Variants in JMJD1C observed in about 807,000 individuals in gnomAD.
The protein encoded by JMJD1C is jumonji domain containing 1C, also known as jumonji domain-containing protein 1C.
A neutral mutation model predicts 245.3 loss-of-function variants in JMJD1C; 31 were observed. The observed-to-expected ratio is 0.13, with a 90% CI of 0.09 to 0.17. JMJD1C has a LOEUF of 0.17. Ranked by LOEUF, JMJD1C falls within the 10% of genes least tolerant of loss-of-function variation. JMJD1C has a pLI of 1.00. For synonymous variants in JMJD1C, 1,057 were observed against 1,017.4 expected (o/e 1.04, Z -0.74); for missense variants, 2,691 against 3,000.2 (o/e 0.90, Z 2.41).
At chr10:63,362,218 G>A (rs1232348466) in intron 2 of JMJD1C, among the ~76,000 whole-genome samples, 1 of 144,826 alleles carries the variant, frequency 6.9e-6, no homozygotes, top group Non-Finnish European at 1.5e-5. Context: ...ACGCGCAACA[G>A]AGTGAGACTG....
At chr10:63,277,727 A>ATTTTTTTTTTT (rs1389505532) in intron 2 of JMJD1C, among the ~76,000 whole-genome samples, 27 of 83,140 alleles carry the variant, frequency 3.2e-4, no homozygotes, top group East Asian at 7.2e-4. Context: ...AGTAATTTGC[A>ATTTTTTTTTTT]TTTCTTTTTT....
chr10:63,195,425 A>G (rs1845352146), intron 13 of JMJD1C, among the ~76,000 whole-genome samples: 1 of 152,074 alleles, frequency 6.6e-6, no homozygotes, highest in South Asian at 2.1e-4. Context: ...AACCCAGTCT[A>G]AAACTAGTTA....
At chr10:63,278,002 G>A (rs1356469199) in intron 2 of JMJD1C, among the ~76,000 whole-genome samples, 4 of 151,484 alleles carry the variant, frequency 2.6e-5, no homozygotes, top group Non-Finnish European at 2.9e-5. Context: ...CAAAGTGCTG[G>A]GATTACAGGC....
chr10:63,465,086 GA>G, intron 1 of JMJD1C: 1 of 212,794 alleles, frequency 4.7e-6, no homozygotes, highest in Non-Finnish European at 9.3e-6. Flanking sequence ...ACTTTTCCAA[GA>G]AAAGAGATAC....
upstream of JMJD1C, among the ~76,000 whole-genome samples, chr10:63,468,299 G>C (rs1160510027): frequency 6.6e-6 from 1 of 152,088 alleles, no homozygotes; most frequent in East Asian, 1.9e-4. Context: ...TTTGCTGTTG[G>C]AAAAATTTAA....
chr10:63,504,098 T>C (rs1162015080), intron 1 of JMJD1C, among the ~76,000 whole-genome samples: 2 of 152,188 alleles, frequency 1.3e-5, no homozygotes, highest in Non-Finnish European at 2.9e-5. Flanking sequence ...ATGGGTGCCC[T>C]ATGGACAAAA....
At chr10:63,358,441 T>C (rs972640075) in intron 2 of JMJD1C, among the ~76,000 whole-genome samples, 10 of 151,592 alleles carry the variant, frequency 6.6e-5, no homozygotes, top group Admixed American at 6.6e-5. Flanking sequence ...TGTGTACCTG[T>C]CGTCCCAGCT....
At chr10:63,225,071 GA>G (rs1044211023) in intron 3 of JMJD1C, among the ~76,000 whole-genome samples, 18 of 151,510 alleles carry the variant, frequency 1.2e-4, no homozygotes, top group African/African-American at 3.4e-4. Context: ...GAAAAAAAAA[GA>G]AAAAAATCCA....
intron 4 of JMJD1C, 79 bp downstream of exon 4, chr10:63,219,799 C>A: frequency 2.2e-6 from 2 of 930,028 alleles, no homozygotes; most frequent in South Asian, 1.5e-5. Context: ...TTATATTGCA[C>A]ACAATTGAAT....
At chr10:63,387,884 C>A (rs1244293906) in intron 1 of JMJD1C, among the ~76,000 whole-genome samples, 1 of 151,946 alleles carries the variant, frequency 6.6e-6, no homozygotes, top group African/African-American at 2.4e-5. Flanking sequence ...ATCTGCCTGT[C>A]TCAGCCTCCC....
In JMJD1C at chr10:63,496,051, T is replaced by TA. The variant is rs1184553476; in HGVS notation, n.113+25686dup. 3.5e-3 allele frequency among the ~76,000 whole-genome samples: 432 copies of TA among 124,438 alleles called. 2 individuals are homozygous for TA. The highest frequency in any genetic ancestry group is 9.6e-3 in the African/African-American group (322 of 33,650). The allele number at this position is 124,438 out of a possible 152,430, so 81.6% of individuals were successfully genotyped here. A position where few individuals can be genotyped will look rare whatever the true frequency, so the allele number is the denominator to read the frequency against. ...CAATTGCACTAAAAAAAAAAAAAAT[T>TA]AAAAAAAAAAAAACCTCAAACCTAA... On this transcript the variant is annotated intron_variant and non_coding_transcript_variant, in intron 1 of 3. Transcript: ENST00000633035.
intron 2 of JMJD1C, among the ~76,000 whole-genome samples, chr10:63,346,331 G>A (rs1348938094): frequency 6.6e-6 from 1 of 152,174 alleles, no homozygotes; most frequent in Non-Finnish European, 1.5e-5. Context: ...TGAAGAGGAG[G>A]CTCTAAAGCC....
intron 1 of JMJD1C, among the ~76,000 whole-genome samples, chr10:63,424,518 T>TC (rs1554931989): frequency 8.1e-4 from 120 of 147,414 alleles, no homozygotes; most frequent in African/African-American, 2.7e-3. Flanking sequence ...TTTTTTTTTT[T>TC]CTTTTTGAGA....
chr10:63,202,679 T>C, intron 10 of JMJD1C: 1 of 985,458 alleles, frequency 1.0e-6, no homozygotes, highest in Non-Finnish European at 1.2e-6. Context: ...CCCATGTGTA[T>C]AACCACACAC....
intron 2 of JMJD1C, among the ~76,000 whole-genome samples, chr10:63,277,731 C>CTTTTTTTTTTTCTTTTTTT (rs1856946263): frequency 1.6e-5 from 1 of 64,262 alleles, no homozygotes; most frequent in African/African-American, 7.1e-5. Context: ...ATTTGCATTT[C>CTTTTTTTTTTTCTTTTTTT]TTTTTTTTTT....
intron 2 of JMJD1C, among the ~76,000 whole-genome samples, chr10:63,337,624 A>AGAAAAG (rs1942953421): frequency 1.7e-5 from 1 of 60,194 alleles, no homozygotes; most frequent in Non-Finnish European, 3.3e-5. Context: ...AAAAGAAAAG[A>AGAAAAG]AAAAGAAAAG....
At chr10:63,345,944 C>T (rs1943780932) in intron 2 of JMJD1C, among the ~76,000 whole-genome samples, 5 of 152,046 alleles carry the variant, frequency 3.3e-5, no homozygotes, top group Admixed American at 3.3e-4. Context: ...AGGAAACAGA[C>T]CCAACTCTTA....
At position 63,493,249 on chromosome 10, in the gene JMJD1C, C is replaced by CTTTTTTTTTTTTTT. The variant is rs752941477; in HGVS notation, n.113+28475_113+28488dup. Among the ~76,000 whole-genome samples the CTTTTTTTTTTTTTT allele has an allele frequency of 4.7e-4, 23 of 49,138 alleles. 4 individuals carry two copies. The highest frequency in any genetic ancestry group is 1.1e-3 in the African/African-American group (13 of 11,682). 32.2% of individuals were successfully genotyped at this position (49,138 alleles called of 152,430 possible). On this transcript the variant is annotated intron_variant and non_coding_transcript_variant, in intron 1 of 3. Transcript: ENST00000633035. ...GTAGATGGGAACAAAACTGTTATTT[C>CTTTTTTTTTTTTTT]TTTTTTTTTTTTTTTTTTTTTTTTT...
intron 1 of JMJD1C, among the ~76,000 whole-genome samples, chr10:63,430,581 T>C (rs1950688242): frequency 6.6e-6 from 1 of 152,170 alleles, no homozygotes; most frequent in Admixed American, 6.6e-5. Flanking sequence ...GCCAAAGGGC[T>C]GGAAGTGGCA....
Sources: gnomAD v4.1 joint callset for allele counts (sites outside exome capture counted in the v4.1 genomes callset) on GRCh38, gnomAD v4.1.1 for gene constraint, MANE v1.5 for transcripts, NCBI Gene and HGNC (gene_info 2026-07-23, HGNC 2026-07-21) for gene names.